The following DLG2 variants were observed in gnomAD, a reference collection of about 807,000 sequenced individuals.
The protein encoded by DLG2 is disks large homolog 2.
DLG2 carries 45 observed loss-of-function variants against 132.5 expected under a neutral mutation model. That is an observed-to-expected ratio of 0.34 (90% CI 0.27 to 0.44). The LOEUF is 0.44. Ranked by LOEUF, DLG2 falls within the 20% of genes least tolerant of loss-of-function variation. The probability of loss-of-function intolerance (pLI) is 1.00; values close to 1 mark genes in which losing one functional copy is unlikely to be tolerated. For synonymous variants in DLG2, 424 were observed against 419.6 expected, an observed-to-expected ratio of 1.01 and a Z score of -0.13; for missense variants, 1,045 against 1,196.9, an observed-to-expected ratio of 0.87 and a Z score of 1.87.
At chr11:85,431,422 C>A (rs532824557) in intron 3 of DLG2, among the ~76,000 whole-genome samples, 1 of 152,324 alleles carries the variant, frequency 6.6e-6, no homozygotes, top group East Asian at 1.9e-4. Context: ...ATCAGAAGAT[C>A]CCACTCGTGA....
intron 6 of DLG2, among the ~76,000 whole-genome samples, chr11:85,094,440 T>G (rs746545358): frequency 6.6e-6 from 1 of 152,228 alleles, no homozygotes; most frequent in African/African-American, 2.4e-5. Context: ...TTTTCCTACA[T>G]TGAAAGTCTG....
At chr11:85,539,961 A>G (rs7949567) in intron 3 of DLG2, among the ~76,000 whole-genome samples, 38,452 of 152,114 alleles carry the variant, frequency 0.25, 5,615 homozygotes, top group East Asian at 0.41. Flanking sequence ...TTGCGAGTGC[A>G]AAAACATCTG....
intron 3 of DLG2, among the ~76,000 whole-genome samples, chr11:85,592,868 G>A (rs1032726296): frequency 6.6e-5 from 10 of 151,764 alleles, no homozygotes; most frequent in African/African-American, 2.4e-4. Flanking sequence ...TGGGAGGATT[G>A]CTTGACCCCA....
At chr11:84,930,528 T>C (rs2047962058) in intron 6 of DLG2, among the ~76,000 whole-genome samples, 1 of 152,014 alleles carries the variant, frequency 6.6e-6, no homozygotes. Context: ...CATTCTCCAC[T>C]CTCCTCAAAC....
chr11:85,622,125 T>A (rs1045188065), intron 2 of DLG2, among the ~76,000 whole-genome samples: 1 of 152,246 alleles, frequency 6.6e-6, no homozygotes, highest in South Asian at 2.1e-4. Context: ...AAGGCTCATA[T>A]GATCATTAGC....
chr11:85,447,897 G>A (rs2092080825), intron 3 of DLG2, among the ~76,000 whole-genome samples: 1 of 152,100 alleles, frequency 6.6e-6, no homozygotes, highest in Admixed American at 6.5e-5. Flanking sequence ...TTCCCAAACT[G>A]ATCTTAACCA....
Position 83,466,697 on chromosome 11 carries a change from C to T in DLG2, c.2729+11G>A. The T allele has an allele frequency of 1.3e-6, 2 of 1,525,766 alleles. No homozygotes were observed. The highest frequency in any genetic ancestry group is 1.8e-6 in the Non-Finnish European group (2 of 1,099,718). 94.5% of individuals were successfully genotyped at this position (1,525,766 alleles called of 1,614,324 possible). A position where few individuals can be genotyped will look rare whatever the true frequency, so the allele number is the denominator to read the frequency against. On this transcript the variant is annotated intron_variant, in intron 26 of 27. Coordinates refer to ENST00000376104, the MANE Select transcript of DLG2 (RefSeq NM_001142699.3). ...TCAGTTGGATGAAGGCCTCCAATGC[C>T]CTCTACTCACATAAGAGGTTCCAGA...
intron 7 of DLG2, among the ~76,000 whole-genome samples, chr11:84,268,790 G>A (rs1019033748): frequency 6.6e-6 from 1 of 152,028 alleles, no homozygotes; most frequent in African/African-American, 2.4e-5. Context: ...GTAAAATGGA[G>A]ATGATAGTAC....
At chr11:83,719,786 C>T (rs1282500982) in intron 18 of DLG2, among the ~76,000 whole-genome samples, 1 of 152,006 alleles carries the variant, frequency 6.6e-6, no homozygotes, top group Non-Finnish European at 1.5e-5. Context: ...AGGAGGTGTT[C>T]CAAAAGAATT....
intron 6 of DLG2, among the ~76,000 whole-genome samples, chr11:84,742,400 A>G (rs1025156633): frequency 6.6e-6 from 1 of 152,222 alleles, no homozygotes; most frequent in African/African-American, 2.4e-5. Flanking sequence ...AAACAGCAAG[A>G]GAAAAGTGTC....
At chr11:84,854,829 T>C (rs1025885293) in intron 6 of DLG2, among the ~76,000 whole-genome samples, 5 of 152,172 alleles carry the variant, frequency 3.3e-5, no homozygotes, top group Non-Finnish European at 5.9e-5. Flanking sequence ...GATTCTTTTA[T>C]TGTGAAATGC....
At chr11:85,191,158 GCGCGCACACACA>G (rs1198874195) in intron 4 of DLG2, among the ~76,000 whole-genome samples, 199 of 113,426 alleles carry the variant, frequency 1.8e-3, no homozygotes, top group South Asian at 3.9e-3. Context: ...GCGCGCGCAC[GCGCGCACACACA>G]CACACACACA....
chr11:84,597,946 C>T (rs891952602), intron 6 of DLG2, among the ~76,000 whole-genome samples: 4 of 152,142 alleles, frequency 2.6e-5, no homozygotes, highest in Admixed American at 2.6e-4. Context: ...TTAAATGATA[C>T]CATGAGAATA....
chr11:85,138,451 A>G lies in DLG2; in HGVS notation c.282+16105T>C, dbSNP rs75657245. On this transcript the variant is annotated intron_variant, in intron 5 of 27. Transcript: ENST00000376104. ...CAAGCCACAAATCTAAAAAGCTATA[A>G]TGGTCAAAAATAAAATTTTGCTTTC... 9.7e-3 allele frequency among the ~76,000 whole-genome samples: 1,473 copies of G among 152,296 alleles called. 21 individuals carry two copies. The highest frequency in any genetic ancestry group is 0.032 in the African/African-American group (1,333 of 41,560).
intron 7 of DLG2, among the ~76,000 whole-genome samples, chr11:84,369,145 T>C (rs2098696020): frequency 6.6e-6 from 1 of 152,122 alleles, no homozygotes; most frequent in African/African-American, 2.4e-5. Context: ...CATTACCTTA[T>C]ATAACTTAGA....
intron 6 of DLG2, among the ~76,000 whole-genome samples, chr11:84,578,249 C>T (rs1454643983): frequency 2.0e-5 from 3 of 152,140 alleles, no homozygotes; most frequent in African/African-American, 7.2e-5. Flanking sequence ...AAAGTCCCTA[C>T]TGGGGCACTG....
chr11:83,976,432 T>C (rs2092227163), intron 12 of DLG2, among the ~76,000 whole-genome samples: 1 of 151,876 alleles, frequency 6.6e-6, no homozygotes, highest in Non-Finnish European at 1.5e-5. Context: ...TCTAAATCAT[T>C]TGTCCTTCCT....
chr11:83,693,453 A>G (rs76272606), intron 18 of DLG2, among the ~76,000 whole-genome samples: 3,168 of 152,260 alleles, frequency 0.021, 46 homozygotes, highest in Non-Finnish European at 0.035. Flanking sequence ...CAAACCGTGC[A>G]TAGCAGTAGG....
chr11:84,357,898 T>A (rs1198964676), intron 7 of DLG2, among the ~76,000 whole-genome samples: 1 of 152,032 alleles, frequency 6.6e-6, no homozygotes, highest in African/African-American at 2.4e-5. Flanking sequence ...ACAGGAGGGT[T>A]ATTGTAATAA....
Sources: gnomAD v4.1 joint callset for allele counts (sites outside exome capture counted in the v4.1 genomes callset) on GRCh38, gnomAD v4.1.1 for gene constraint, MANE v1.5 for transcripts, NCBI Gene and HGNC (gene_info 2026-07-23, HGNC 2026-07-21) for gene names.